CMBL: variants seen among roughly 807,000 people sequenced by gnomAD.
CMBL encodes carboxymethylenebutenolidase homolog.
CMBL carries 17 observed loss-of-function variants against 28.7 expected under a neutral mutation model. That is an observed-to-expected ratio of 0.59 (90% CI 0.41 to 0.89). The LOEUF is 0.89. CMBL is among the 40% of genes least tolerant of loss of function. The pLI is 0.00. For missense variants in CMBL, 310 were observed against 298.5 expected, an observed-to-expected ratio of 1.04 and a Z score of -0.28; for synonymous variants, 106 against 101.6, an observed-to-expected ratio of 1.04 and a Z score of -0.26.
chr5:10,290,810 C>G, intron 1 of CMBL, 29 bp from the exon 2 acceptor site: 1 of 1,494,352 alleles, frequency 6.7e-7, no homozygotes, highest in Non-Finnish European at 9.3e-7. Context: ...GCGTTATATT[C>G]TGAATGCTGC....
At chr5:10,286,618 T>C (rs1746609465) in intron 3 of CMBL, 122 bp from the exon 4 acceptor site, 1 of 852,454 alleles carries the variant, frequency 1.2e-6, no homozygotes, top group African/African-American at 1.7e-5. Context: ...GTTTCTTCTT[T>C]TGGGAGCTCC....
At position 10,277,687 on chromosome 5, in the gene CMBL, A is replaced by G. The variant is rs73741362; in HGVS notation, c.*2766T>C. Among the ~76,000 whole-genome samples, 1,306 of 152,056 alleles carry G rather than the reference A, an allele frequency of 8.6e-3. 10 individuals are homozygous for G. The highest frequency in any genetic ancestry group is 0.037 in the Middle Eastern group (11 of 294). On this transcript the variant is annotated 3_prime_UTR_variant, in exon 6 of 6. Coordinates refer to ENST00000296658, the MANE Select transcript of CMBL (RefSeq NM_138809.4). ...GTTGCCATTTTTTCCCTTTACCTTC[A>G]TTTATCTGTTTGTCTAATAGTCACT...
In CMBL at chr5:10,280,459, G is replaced by A. The variant is rs1347005562; in HGVS notation, c.732C>T (p.Tyr244=). ...RRNLIEWLNK[Y]M is the part of the protein sequence containing the mutation. ...GGCTTGCCCTTGATTCTTGCTACATGTACTTGTTCAGCCACTCAATTAAAT... is the reference window on the plus strand; with the variant it reads ...GGCTTGCCCTTGATTCTTGCTACATATACTTGTTCAGCCACTCAATTAAAT... Residue 244 remains tyrosine (Y), a synonymous_variant, in exon 6 of 6, where the codon TAC becomes TAT. Transcript: ENST00000296658. 5 of 1,594,274 alleles carry A rather than the reference G, an allele frequency of 3.1e-6. No homozygotes were observed. Among genetic ancestry groups the A allele is most frequent in the African/African-American group, 1.3e-5 (1 of 74,814 alleles).
At position 10,290,410 on chromosome 5, in the gene CMBL, G is replaced by C. The variant is rs10038129; in HGVS notation, c.215+138C>G. 0.1 allele frequency: 70,130 copies of C among 686,504 alleles called. 7,089 individuals are homozygous for C. Among genetic ancestry groups the C allele is most frequent in the African/African-American group, 0.43 (24,121 of 55,734 alleles). 42.5% of individuals were successfully genotyped at this position (686,504 alleles called of 1,614,324 possible). ...CAAGACATTTCCCATCTATCTTCAC[G>C]GCAGTGAGATAGGGAAGTTTCTAAT... On this transcript the variant is annotated intron_variant, in intron 2 of 5. Coordinates refer to ENST00000296658, the MANE Select transcript of CMBL (RefSeq NM_138809.4).
intron 4 of CMBL, among the ~76,000 whole-genome samples, chr5:10,285,262 G>C (rs560790042): frequency 6.6e-6 from 1 of 152,144 alleles, no homozygotes; most frequent in Non-Finnish European, 1.5e-5. Context: ...TCCACCTCCC[G>C]GGTTCAAGCG....
rs1246938746 is a variant in CMBL at position 10,278,659 on chromosome 5, G to A, written c.*1794C>T. ...GGCCCTGTGAAGCGTGCTGCCCTCTGTTCTCTGGATCTGTAAGCAATAAAC... is the reference window on the plus strand; with the variant it reads ...GGCCCTGTGAAGCGTGCTGCCCTCTATTCTCTGGATCTGTAAGCAATAAAC... On this transcript the variant is annotated 3_prime_UTR_variant, in exon 6 of 6. Coordinates refer to ENST00000296658, the MANE Select transcript of CMBL (RefSeq NM_138809.4). 6.6e-6 allele frequency among the ~76,000 whole-genome samples: 1 copy of A among 152,086 alleles called. No individual in the cohort carries two copies. Among genetic ancestry groups the A allele is most frequent in the African/African-American group, 2.4e-5 (1 of 41,420 alleles).
chr5:10,294,742 G>A (rs190186632), intron 1 of CMBL, among the ~76,000 whole-genome samples: 5 of 152,318 alleles, frequency 3.3e-5, no homozygotes, highest in South Asian at 2.1e-4. Context: ...CAGATTTTAC[G>A]GCAGAGCCAC....
Position 10,279,691 on chromosome 5 carries a change from C to T in CMBL, c.*762G>A, listed in dbSNP as rs1203351219. The T allele has an allele frequency of 6.6e-6, 1 of 152,166 alleles. No homozygotes were observed. The highest frequency in any genetic ancestry group is 2.4e-5 in the African/African-American group (1 of 41,420). The allele number at this position is 152,166 out of a possible 1,614,324, so 9.4% of individuals were successfully genotyped here. A position where few individuals can be genotyped will look rare whatever the true frequency, so the allele number is the denominator to read the frequency against. On this transcript the variant is annotated 3_prime_UTR_variant, in exon 6 of 6. Transcript: ENST00000296658. ...AGTAGCTGGGATTACAGGCACATGC[C>T]ACCATGCCCGGCTGATTTTTATATT... is the stretch of plus-strand genomic sequence containing the variant.
intron 1 of CMBL, among the ~76,000 whole-genome samples, chr5:10,301,751 G>A (rs909927075): frequency 1.3e-5 from 2 of 151,770 alleles, no homozygotes; most frequent in African/African-American, 2.4e-5. Flanking sequence ...ACAGGTGCCC[G>A]CCACTATGCC....
chr5:10,282,931 A>G (rs931515900), intron 4 of CMBL, among the ~76,000 whole-genome samples: 6 of 151,970 alleles, frequency 3.9e-5, no homozygotes, highest in African/African-American at 1.2e-4. Flanking sequence ...CTCTACTAAA[A>G]ATACAAAAAT....
At chr5:10,306,050 T>C (rs1229329180) in intron 1 of CMBL, among the ~76,000 whole-genome samples, 2 of 152,244 alleles carry the variant, frequency 1.3e-5, no homozygotes, top group Admixed American at 6.5e-5. Flanking sequence ...CTTTTATATC[T>C]GTATAAAAGT....
At chr5:10,291,447 G>A (rs1697019209) in intron 1 of CMBL, among the ~76,000 whole-genome samples, 1 of 152,108 alleles carries the variant, frequency 6.6e-6, no homozygotes, top group Non-Finnish European at 1.5e-5. Context: ...CGGATCACGA[G>A]GTCAGGAGAT....
intron 1 of CMBL, among the ~76,000 whole-genome samples, chr5:10,301,719 A>G (rs745455727): frequency 6.7e-6 from 1 of 149,100 alleles, no homozygotes; most frequent in Non-Finnish European, 1.5e-5. Context: ...CTCCTGCCTC[A>G]GCCTCCCAAG....
chr5:10,284,986 T>C (rs1158233920), intron 4 of CMBL, among the ~76,000 whole-genome samples: 1 of 151,570 alleles, frequency 6.6e-6, no homozygotes, highest in African/African-American at 2.4e-5. Flanking sequence ...TTCCTTGGCT[T>C]TCTTTCCTTT....
chr5:10,296,297 T>G (rs550853745), intron 1 of CMBL, among the ~76,000 whole-genome samples: 3 of 152,284 alleles, frequency 2.0e-5, no homozygotes, highest in Non-Finnish European at 4.4e-5. Context: ...GTTTGTTTGT[T>G]TGAGACACAG....
At position 10,289,717 on chromosome 5, in the gene CMBL, C is replaced by T. The variant is rs985899435; in HGVS notation, c.215+831G>A. ...AAAGTTAAGTCCCCTCACATGGGGA[C>T]GTGAAAAAGGAAAACTTCAAGGAAG... On this transcript the variant is annotated intron_variant, in intron 2 of 5. Transcript: ENST00000296658. This position sits in a 1 kb window ranked among gnomAD's most constrained non-coding sequence, Gnocchi z 4.3. Among the ~76,000 whole-genome samples the T allele has an allele frequency of 2.6e-5, 4 of 152,168 alleles. No individual in the cohort carries two copies. Among genetic ancestry groups the T allele is most frequent in the African/African-American group, 9.6e-5 (4 of 41,452 alleles).
At chr5:10,294,804 T>C (rs1746781028) in intron 1 of CMBL, among the ~76,000 whole-genome samples, 1 of 151,876 alleles carries the variant, frequency 6.6e-6, no homozygotes, top group East Asian at 1.9e-4. Flanking sequence ...AAAGGAGGAG[T>C]CCGTGATGAC....
Position 10,280,226 on chromosome 5 carries a change from A to C in CMBL, c.*227T>G. On this transcript the variant is annotated 3_prime_UTR_variant, in exon 6 of 6. Coordinates refer to ENST00000296658, the MANE Select transcript of CMBL (RefSeq NM_138809.4). ...AGTGCTGGAATTACAGGCATGAGGC[A>C]CTACACCTGGTCAGACCTTGTTTTT... is the stretch of plus-strand genomic sequence containing the variant. The C allele has an allele frequency of 2.6e-6, 1 of 387,800 alleles. No homozygotes were observed. Among genetic ancestry groups the C allele is most frequent in the Non-Finnish European group, 4.6e-6 (1 of 215,786 alleles). 24.0% of individuals were successfully genotyped at this position (387,800 alleles called of 1,614,324 possible).
intron 1 of CMBL, among the ~76,000 whole-genome samples, chr5:10,299,209 A>G (rs1328891369): frequency 6.6e-6 from 1 of 152,214 alleles, no homozygotes; most frequent in Non-Finnish European, 1.5e-5. Context: ...AAATATATAA[A>G]GAATTCTTAT....
Sources: gnomAD v4.1 joint callset for allele counts (sites outside exome capture counted in the v4.1 genomes callset) on GRCh38, gnomAD v4.1.1 for gene constraint, Gnocchi (gnomAD v3.1) non-coding constraint, MANE v1.5 for transcripts, NCBI Gene and HGNC (gene_info 2026-07-23, HGNC 2026-07-21) for gene names.